ACP2: variants seen among roughly 807,000 people sequenced by gnomAD.
The protein encoded by ACP2 is acid phosphatase 2, lysosomal.
In ACP2, 35 loss-of-function variants were observed where a neutral mutation model predicts 54.7. That is an observed-to-expected ratio of 0.64 (90% CI 0.49 to 0.85). The LOEUF is 0.85. Among genes scored for constraint, ACP2 ranks in the 40% least tolerant of loss-of-function variants. The pLI, the probability that ACP2 is intolerant of heterozygous loss-of-function variation, is 0.00. For missense variants in ACP2, 492 were observed against 565.0 expected, an observed-to-expected ratio of 0.87 and a Z score of 1.31; for synonymous variants, 210 against 224.4, an observed-to-expected ratio of 0.94 and a Z score of 0.57.
rs751805071 is a variant in ACP2, at chr11:47,245,368, C to T, written c.576G>A (p.Glu192=). ...CCAGTGTCAGGTCTGTAAGCCCTGTCTCGTTGGCCACCATGTCCAGAAATT... is the reference window on the plus strand; with the variant it reads ...CCAGTGTCAGGTCTGTAAGCCCTGTTTCGTTGGCCACCATGTCCAGAAATT... ...NAQFLDMVAN[E]TGLTDLTLET... is the part of the protein sequence containing the mutation. The change falls in exon 6 of 11, where the codon GAG becomes GAA. Residue 192 remains glutamate, a synonymous_variant. Coordinates refer to ENST00000672073, the MANE Select transcript of ACP2 (RefSeq NM_001610.4). The T allele has an allele frequency of 3.1e-6, 5 of 1,614,188 alleles. No individual in the cohort carries two copies. The highest frequency in any genetic ancestry group is 4.2e-6 in the Non-Finnish European group (5 of 1,180,034).
At chr11:47,244,120 G>C (rs1224348517) in intron 7 of ACP2, among the ~76,000 whole-genome samples, 1 of 151,702 alleles carries the variant, frequency 6.6e-6, no homozygotes, top group African/African-American at 2.4e-5. Flanking sequence ...CTGGGTGACA[G>C]AGCAAGACTC....
In ACP2 at chr11:47,248,662, C is replaced by T. The variant is rs558248120; in HGVS notation, c.114+14G>A. 2 of 1,605,264 alleles carry T rather than the reference C, an allele frequency of 1.2e-6. No individual in the cohort carries two copies. Among genetic ancestry groups the T allele is most frequent in the African/African-American group, 1.3e-5 (1 of 74,920 alleles). On this transcript the variant is annotated intron_variant, in intron 1 of 10. Transcript: ENST00000672073. ...AGCTTCAGGGAAGTCTTTGGTGAGC[C>T]CATCTCTCATTACCAAGGTAACGAA...
At chr11:47,244,993 C>A in intron 6 of ACP2, 126 bp from the exon 7 acceptor site, 7 of 1,453,240 alleles carry the variant, frequency 4.8e-6, no homozygotes, top group Non-Finnish European at 6.4e-6. Context: ...GGCAGAGGGG[C>A]TGGAACCAGT....
At position 47,247,645 on chromosome 11, in the gene ACP2, T is replaced by G. The variant is rs758234642; in HGVS notation, c.293A>C (p.Gln98Pro). The change falls in exon 3 of 11, where the codon CAA becomes CCA. Residue 98 changes from glutamine to proline, a missense_variant. Physicochemically the swap from Gln to Pro is moderately conservative, Grantham distance 76. Transcript: ENST00000672073. ...CTCTGGAGCTCCCAACCTTACCTCT[T>G]GCCGGTGATAAGAGGTGTTTAGGAA... is the stretch of plus-strand genomic sequence containing the variant. Reference protein sequence around the residue: ...HGFLNTSYHRQEVYVRSTDFD... With the variant: ...HGFLNTSYHRPEVYVRSTDFD... The G allele has an allele frequency of 4.2e-5, 67 of 1,614,092 alleles. No homozygotes were observed. The African/African-American group carries it at 8.7e-4, about 21-fold the overall frequency.
chr11:47,248,470 T>C (rs775197259), intron 1 of ACP2: 11 of 1,547,752 alleles, frequency 7.1e-6, no homozygotes, highest in Middle Eastern at 1.7e-4. Context: ...CTTCCCTGTC[T>C]CAAGGCAGAC....
Position 47,248,586 on chromosome 11 carries a change from G to T in ACP2, c.114+90C>A, listed in dbSNP as rs182933312. On this transcript the variant is annotated intron_variant, in intron 1 of 10. Coordinates refer to ENST00000672073, the MANE Select transcript of ACP2 (RefSeq NM_001610.4). Reference sequence around the variant, plus strand: ...AGGCCAGTCGTCCCCTCCTAAACCAGCTGTTCCTTCCCGAGATCCTCGACC... The same window carrying T: ...AGGCCAGTCGTCCCCTCCTAAACCATCTGTTCCTTCCCGAGATCCTCGACC... 1.4e-4 allele frequency: 212 copies of T among 1,552,212 alleles called. 2 individuals are homozygous for T. In the East Asian group the frequency reaches 3.4e-3, roughly 25 times the overall value.
At position 47,248,710 on chromosome 11, in the gene ACP2, G is replaced by T; in HGVS notation, c.80C>A (p.Pro27His). 6.2e-7 allele frequency: 1 copy of T among 1,612,060 alleles called. No individual in the cohort carries two copies. The highest frequency in any genetic ancestry group is 1.1e-5 in the South Asian group (1 of 90,494). ...GAAGCGCAGACTCCGGGCCCGGGTG[G>T]GCGGCATCACCACCAGGTTCACGCC... ...LLGVNLVVMP[P>H]TRARSLRFVT... is the part of the protein sequence containing the mutation. The change falls in exon 1 of 11, where the codon CCC becomes CAC. Residue 27 changes from proline to histidine, a missense_variant. Physicochemically the swap from Pro to His is moderately conservative, Grantham distance 77. Coordinates refer to ENST00000672073, the MANE Select transcript of ACP2 (RefSeq NM_001610.4).
intron 10 of ACP2, among the ~76,000 whole-genome samples, chr11:47,240,545 C>T (rs981755738): frequency 2.6e-5 from 4 of 152,090 alleles, no homozygotes; most frequent in African/African-American, 7.2e-5. Flanking sequence ...GTTGGCCGTG[C>T]GCAGTGGCTC....
rs537427421 is a variant in ACP2, at chr11:47,242,956, T to G, written c.963-58A>C. 1.3e-4 allele frequency: 216 copies of G among 1,611,574 alleles called. 2 individuals are homozygous for G. The South Asian group carries it at 2.3e-3, about 17-fold the overall frequency. On this transcript the variant is annotated intron_variant, in intron 9 of 10. Transcript: ENST00000672073. The stretch of plus-strand genomic sequence containing the variant: ...CTCAGCCTGCCCATCATGGGGTCCT[T>G]GGGCTGCCCCGAGCCACCTCCCGAG...
intron 7 of ACP2, 110 bp from the exon 8 acceptor site, chr11:47,243,431 CGGA>C (rs1310423122): frequency 1.3e-5 from 11 of 834,746 alleles, no homozygotes; most frequent in Non-Finnish European, 1.9e-5. Context: ...ATCACCTACA[CGGA>C]GAACTCTTTA....
chr11:47,248,336 T>C (rs1278572977), intron 1 of ACP2: 4 of 1,171,128 alleles, frequency 3.4e-6, no homozygotes, highest in East Asian at 2.6e-5. Flanking sequence ...CTGGAGACCA[T>C]AGGCAAAGCC....
In ACP2 at chr11:47,245,590, G is replaced by GAAACAGGCAGCGGGA; in HGVS notation, c.451-33_451-19dup. The GAAACAGGCAGCGGGA allele has an allele frequency of 6.2e-7, 1 of 1,614,244 alleles. No individual in the cohort carries two copies. The highest frequency in any genetic ancestry group is 8.5e-7 in the Non-Finnish European group (1 of 1,180,038). ...TTCAGCAGCTGTAGAGCGAAGCGGG[G>GAAACAGGCAGCGGGA]AAACAGGCAGCGGGAAAAGGAGCCT... On this transcript the variant is annotated intron_variant, in intron 4 of 10. Transcript: ENST00000672073.
At position 47,244,762 on chromosome 11, in the gene ACP2, G is replaced by T. The variant is rs778929073; in HGVS notation, c.745C>A (p.Gln249Lys). ...CCCTGAAGCCGGGCCTTCTCCGCCTGCTGGTAGATTCCGAAGAGGAAGCGG... is the reference window on the plus strand; with the variant it reads ...CCCTGAAGCCGGGCCTTCTCCGCCTTCTGGTAGATTCCGAAGAGGAAGCGG... ...SFRFLFGIYQQAEKARLQGGV... is the reference protein window; with the variant it reads ...SFRFLFGIYQKAEKARLQGGV... The change falls in exon 7 of 11, where the codon CAG becomes AAG. Residue 249 changes from glutamine to lysine, a missense_variant. Physicochemically the swap from Gln to Lys is moderately conservative, Grantham distance 53. Coordinates refer to ENST00000672073, the MANE Select transcript of ACP2 (RefSeq NM_001610.4). 8 of 1,611,390 alleles carry T rather than the reference G, an allele frequency of 5.0e-6. No homozygotes were observed. The highest frequency in any genetic ancestry group is 5.9e-6 in the Non-Finnish European group (7 of 1,178,078).
chr11:47,248,420 C>A, intron 1 of ACP2: 1 of 1,535,256 alleles, frequency 6.5e-7, no homozygotes, highest in Non-Finnish European at 8.7e-7. Flanking sequence ...AAAAAGATAA[C>A]CAAAGGCTTC....
chr11:47,241,616 A>G (rs1201239203), intron 10 of ACP2, among the ~76,000 whole-genome samples: 1 of 152,234 alleles, frequency 6.6e-6, no homozygotes, highest in African/African-American at 2.4e-5. Context: ...GTCAGGCAAG[A>G]GCTGACGGTA....
At chr11:47,242,200 G>A (rs563968682) in intron 10 of ACP2, among the ~76,000 whole-genome samples, 1 of 152,360 alleles carries the variant, frequency 6.6e-6, no homozygotes, top group Non-Finnish European at 1.5e-5. Context: ...GACAAGTATG[G>A]CTTCAGGGTA....
intron 1 of ACP2, 189 bp from the exon 2 acceptor site, chr11:47,248,322 G>A: frequency 9.4e-7 from 1 of 1,058,712 alleles, no homozygotes; most frequent in Non-Finnish European, 1.3e-6. Flanking sequence ...GCTAAGCAAT[G>A]CTACTGGAGA....
chr11:47,242,993 A>G (rs1376393498), intron 9 of ACP2, 25 bp downstream of exon 9: 2 of 1,613,840 alleles, frequency 1.2e-6, no homozygotes, highest in South Asian at 2.2e-5. Flanking sequence ...GCCCCCCTCC[A>G]GAGGACACTG....
Position 47,239,900 on chromosome 11 carries a change from A to T in ACP2, c.*216T>A, listed in dbSNP as rs1953823957. The T allele has an allele frequency of 1.8e-6, 1 of 547,086 alleles. No individual in the cohort carries two copies. 33.9% of individuals were successfully genotyped at this position (547,086 alleles called of 1,614,324 possible). ...AGGCAAATCCTGTTTGGAGAAAGCC[A>T]GTGTCCAACACAGCACTTGGTAAAC... On this transcript the variant is annotated 3_prime_UTR_variant, in exon 11 of 11. Coordinates refer to ENST00000672073, the MANE Select transcript of ACP2 (RefSeq NM_001610.4).
Sources: gnomAD v4.1 joint callset for allele counts (sites outside exome capture counted in the v4.1 genomes callset) on GRCh38, gnomAD v4.1.1 for gene constraint, MANE v1.5 for transcripts, NCBI Gene and HGNC (gene_info 2026-07-23, HGNC 2026-07-21) for gene names.